TEX9: variants seen among roughly 807,000 people sequenced by gnomAD.
TEX9 encodes testis-expressed protein 9.
Under a neutral mutation model 59.6 loss-of-function variants are expected in TEX9, and 74 were observed. The observed-to-expected ratio is 1.24, with a 90% CI of 1.03 to 1.51. The LOEUF (loss-of-function observed/expected upper bound fraction) is 1.51. Ranked by LOEUF, TEX9 falls within the 40% of genes most tolerant of loss-of-function variation. The pLI, the probability that TEX9 is intolerant of heterozygous loss-of-function variation, is 0.00. For missense variants in TEX9, 522 were observed against 447.8 expected, an observed-to-expected ratio of 1.17 and a Z score of -1.49; for synonymous variants, 186 against 152.2, an observed-to-expected ratio of 1.22 and a Z score of -1.64.
At chr15:56,299,065 T>C (rs556006994) in intron 1 of TEX9, among the ~76,000 whole-genome samples, 20 of 152,192 alleles carry the variant, frequency 1.3e-4, no homozygotes, top group Non-Finnish European at 2.8e-4. Context: ...GAGCCAAAAA[T>C]CAGGTGAGTG....
At chr15:56,441,746 G>A (rs2050817543) in intron 12 of TEX9, among the ~76,000 whole-genome samples, 1 of 152,160 alleles carries the variant, frequency 6.6e-6, no homozygotes, top group Admixed American at 6.5e-5. Context: ...CAGGCACGGT[G>A]GCTCACACCT....
At chr15:56,255,719 A>G (rs1373364449) in intron 1 of TEX9, among the ~76,000 whole-genome samples, 1 of 152,098 alleles carries the variant, frequency 6.6e-6, no homozygotes, top group Non-Finnish European at 1.5e-5. Flanking sequence ...ATCAAATGTC[A>G]TCTTTATAAC....
At chr15:56,275,529 C>G (rs752573999) in intron 1 of TEX9, among the ~76,000 whole-genome samples, 22 of 152,122 alleles carry the variant, frequency 1.4e-4, no homozygotes, top group Admixed American at 5.9e-4. Context: ...CTCACATCAG[C>G]CTTTAGCAAT....
At chr15:56,270,520 T>C (rs946742294) in intron 1 of TEX9, among the ~76,000 whole-genome samples, 1 of 152,220 alleles carries the variant, frequency 6.6e-6, no homozygotes, top group South Asian at 2.1e-4. Context: ...CTCCATCCTT[T>C]TATTTTGACA....
At chr15:56,353,289 T>C (rs1366501320) in intron 1 of TEX9, among the ~76,000 whole-genome samples, 2 of 152,224 alleles carry the variant, frequency 1.3e-5, no homozygotes, top group Non-Finnish European at 2.9e-5. Context: ...TGTTAAAAAA[T>C]GAATAGTCAG....
chr15:56,273,770 G>C (rs559777201), intron 1 of TEX9, among the ~76,000 whole-genome samples: 1 of 152,050 alleles, frequency 6.6e-6, no homozygotes, highest in African/African-American at 2.4e-5. Flanking sequence ...TTTCTAGCTT[G>C]CATAATTCCT....
downstream of TEX9, chr15:56,446,780 A>G: frequency 1.6e-6 from 2 of 1,270,540 alleles, no homozygotes; most frequent in Non-Finnish European, 1.1e-6. Flanking sequence ...TTTTTAAGAA[A>G]CAAGTCTAAT....
At chr15:56,388,253 G>A (rs1333654473) in intron 4 of TEX9, among the ~76,000 whole-genome samples, 1 of 151,912 alleles carries the variant, frequency 6.6e-6, no homozygotes, top group Admixed American at 6.6e-5. Context: ...CTAGAATATT[G>A]GCATTATAGT....
At chr15:56,259,451 G>C (rs1255086764) in intron 1 of TEX9, among the ~76,000 whole-genome samples, 5 of 151,810 alleles carry the variant, frequency 3.3e-5, no homozygotes, top group Non-Finnish European at 2.9e-5. Flanking sequence ...GTAAATTAAG[G>C]TTAAAGTCTG....
intron 12 of TEX9, among the ~76,000 whole-genome samples, chr15:56,439,151 C>G (rs2050778114): frequency 6.6e-6 from 1 of 151,980 alleles, no homozygotes; most frequent in African/African-American, 2.4e-5. Context: ...TACACGGACA[C>G]CAAAATAAAA....
chr15:56,283,049 G>GCTGTGTGTGTGTGT (rs3222054), intron 1 of TEX9, among the ~76,000 whole-genome samples: 1 of 148,444 alleles, frequency 6.7e-6, no homozygotes, highest in East Asian at 2.0e-4. Context: ...TACATTGTGT[G>GCTGTGTGTGTGTGT]GTGTGTGTGT....
chr15:56,325,230 A>G (rs2045997458), intron 1 of TEX9, among the ~76,000 whole-genome samples: 1 of 152,210 alleles, frequency 6.6e-6, no homozygotes, highest in Non-Finnish European at 1.5e-5. Flanking sequence ...GGAGAAATTA[A>G]GAAAGATTAA....
In TEX9 at chr15:56,282,130, T is replaced by A. The variant is rs1266325761; in HGVS notation, c.-107+37852T>A. ...AAAAGAAAGCAACAATATGTATTTT[T>A]AATCCACCAGAACAGAAGGGATTTT... On this transcript the variant is annotated intron_variant, in intron 1 of 5. Transcript: ENST00000560827. Among the ~76,000 whole-genome samples, 8 of 152,168 alleles carry A rather than the reference T, an allele frequency of 5.3e-5. 1 individual carries two copies. The highest frequency in any genetic ancestry group is 3.9e-4 in the Admixed American group (6 of 15,272).
At chr15:56,297,754 C>T (rs757677636) in intron 1 of TEX9, among the ~76,000 whole-genome samples, 2 of 152,364 alleles carry the variant, frequency 1.3e-5, no homozygotes, top group Admixed American at 6.5e-5. Context: ...ATCCACCCGC[C>T]TTGGCCTCCC....
At chr15:56,363,114 C>A (rs1245086387), upstream of TEX9, among the ~76,000 whole-genome samples, 1 of 152,092 alleles carries the variant, frequency 6.6e-6, no homozygotes, top group African/African-American at 2.4e-5. Flanking sequence ...GTATACCTAG[C>A]AGTGGTTGCT....
intron 1 of TEX9, among the ~76,000 whole-genome samples, chr15:56,336,126 T>TA (rs1362356118): frequency 6.6e-6 from 1 of 152,178 alleles, no homozygotes; most frequent in African/African-American, 2.4e-5. Flanking sequence ...TGTTATTTGT[T>TA]AGTTTGTAGC....
upstream of TEX9, among the ~76,000 whole-genome samples, chr15:56,360,974 C>G (rs1167975228): frequency 6.6e-6 from 1 of 152,174 alleles, no homozygotes; most frequent in Non-Finnish European, 1.5e-5. Context: ...TCCTGACTAT[C>G]CCGAGGCTTC....
chr15:56,354,748 G>A (rs1348288817), intron 1 of TEX9, among the ~76,000 whole-genome samples: 2 of 152,112 alleles, frequency 1.3e-5, no homozygotes, highest in African/African-American at 4.8e-5. Flanking sequence ...TAGAATGGGT[G>A]TTACTTAGAG....
chr15:56,248,451 A>G (rs966674045), intron 1 of TEX9, among the ~76,000 whole-genome samples: 45 of 152,204 alleles, frequency 3.0e-4, no homozygotes, highest in African/African-American at 9.6e-4. Flanking sequence ...CCCTATCTGT[A>G]CAAGTCATTC....
Sources: gnomAD v4.1 joint callset for allele counts (sites outside exome capture counted in the v4.1 genomes callset) on GRCh38, gnomAD v4.1.1 for gene constraint, MANE v1.5 for transcripts, NCBI Gene and HGNC (gene_info 2026-07-23, HGNC 2026-07-21) for gene names.